Variants in TMPRSS6 observed in about 807,000 individuals in gnomAD.
TMPRSS6 encodes the protein transmembrane serine protease 6, also known as transmembrane protease serine 6.
Under a neutral mutation model 101.5 loss-of-function variants are expected in TMPRSS6, and 67 were observed. That is an observed-to-expected ratio of 0.66 (90% confidence interval 0.54 to 0.81). TMPRSS6 has a LOEUF of 0.81. Ranked by LOEUF, TMPRSS6 falls within the 30% of genes least tolerant of loss-of-function variation. The pLI is 0.00. For missense variants in TMPRSS6, 1,034 were observed against 1,088.7 expected (o/e 0.95, Z 0.71); for synonymous variants, 453 against 464.9 (o/e 0.97, Z 0.33).
chr22:37,093,338 G>GA (rs1355163743), intron 6 of TMPRSS6, among the ~76,000 whole-genome samples: 10 of 145,068 alleles, frequency 6.9e-5, no homozygotes, highest in African/African-American at 1.5e-4. Context: ...TATTGCAGGA[G>GA]AAAAAATAAC....
intron 12 of TMPRSS6, 28 bp downstream of exon 12, chr22:37,074,582 A>G: frequency 6.2e-7 from 1 of 1,603,376 alleles, no homozygotes; most frequent in South Asian, 1.1e-5. Flanking sequence ...GGGCAGGGAG[A>G]GGAGGGATGC....
rs894805407 is a variant in TMPRSS6, at chr22:37,067,198, C to T, written c.2114-236G>A. 2.6e-5 allele frequency among the ~76,000 whole-genome samples: 4 copies of T among 152,146 alleles called. No individual in the cohort carries two copies. The East Asian group carries it at 7.7e-4, about 29-fold the overall frequency. ...CAAAGCCCATGTGGAGGGCCGGGCA[C>T]GGTGGCTCATGCCTGTAATCCCAGC... On this transcript the variant is annotated intron_variant, in intron 16 of 17. Transcript: ENST00000676104.
At chr22:37,072,277 A>G (rs1204934238) in intron 13 of TMPRSS6, among the ~76,000 whole-genome samples, 3 of 113,738 alleles carry the variant, frequency 2.6e-5, no homozygotes, top group Non-Finnish European at 5.2e-5. Context: ...GGATGGTTGC[A>G]TGGATGGATG....
chr22:37,074,673 G>A lies in TMPRSS6; in HGVS notation c.1378C>T (p.Leu460Phe), dbSNP rs746448716. 2 of 1,614,196 alleles carry A rather than the reference G, an allele frequency of 1.2e-6. No homozygotes were observed. The highest frequency in any genetic ancestry group is 2.2e-5 in the East Asian group (1 of 44,886). Residue 460 changes from leucine to phenylalanine, a missense_variant, in exon 12 of 18, where the codon CTC becomes TTC. Coordinates refer to ENST00000676104, the MANE Select transcript of TMPRSS6 (RefSeq NM_001374504.1). The stretch of plus-strand genomic sequence containing the variant: ...ACCCCATCACAGGCAGGGACACAGA[G>A]TCCATTCACAGAACAGAGGAACTCT... ...PGEFLCSVNG[L>F]CVPACDGVKD...
In TMPRSS6 at chr22:37,078,772, GAA is replaced by G. The variant is rs1383713542; in HGVS notation, c.1197-3494_1197-3493del. The stretch of plus-strand genomic sequence containing the variant: ...GAAGAAAGGAGAAAGAGAATGAGGA[GAA>G]GGAGGAGGAGAAGAAGAAGGAGGAG... On this transcript the variant is annotated intron_variant, in intron 10 of 17. Transcript: ENST00000676104. Among the ~76,000 whole-genome samples the G allele has an allele frequency of 2.2e-4, 5 of 23,018 alleles. No individual in the cohort carries two copies. The African/African-American group carries it at 7.0e-3, about 32-fold the overall frequency. The allele number at this position is 23,018 out of a possible 152,430, so 15.1% of individuals were successfully genotyped here. A position where few individuals can be genotyped will look rare whatever the true frequency, so the allele number is the denominator to read the frequency against.
intron 3 of TMPRSS6, among the ~76,000 whole-genome samples, chr22:37,097,550 G>A (rs545794824): frequency 3.3e-5 from 5 of 152,370 alleles, no homozygotes; most frequent in East Asian, 1.9e-4. Context: ...ATAACTCCCC[G>A]GCACTTCTGG....
At chr22:37,093,695 C>A (rs1483238016) in intron 6 of TMPRSS6, among the ~76,000 whole-genome samples, 3 of 150,428 alleles carry the variant, frequency 2.0e-5, no homozygotes, top group Non-Finnish European at 4.4e-5. Context: ...AGCCACCATG[C>A]CTGGCTGACT....
chr22:37,074,780 A>G, intron 11 of TMPRSS6, 72 bp from the exon 12 acceptor site: 1 of 1,489,660 alleles, frequency 6.7e-7, no homozygotes, highest in Non-Finnish European at 9.3e-7. Flanking sequence ...AAGGCGCACA[A>G]AGACACGCAT....
intron 10 of TMPRSS6, among the ~76,000 whole-genome samples, chr22:37,077,753 G>T (rs1927796325): frequency 1.3e-5 from 2 of 152,084 alleles, no homozygotes; most frequent in African/African-American, 2.4e-5. Flanking sequence ...ATGTGTAATG[G>T]GCTTATAATT....
At chr22:37,078,418 C>T (rs1927861319) in intron 10 of TMPRSS6, among the ~76,000 whole-genome samples, 3 of 152,250 alleles carry the variant, frequency 2.0e-5, no homozygotes, top group African/African-American at 4.8e-5. Context: ...AGGGCCTCAC[C>T]GTGTACCCGG....
chr22:37,068,146 C>T (rs560311948), intron 16 of TMPRSS6, among the ~76,000 whole-genome samples: 2 of 152,292 alleles, frequency 1.3e-5, no homozygotes, highest in Admixed American at 6.5e-5. Context: ...CTGTCTCCCC[C>T]GAGAATGTTC....
At chr22:37,074,769 G>A (rs1434477431) in intron 11 of TMPRSS6, 61 bp from the exon 12 acceptor site, 16 of 1,558,480 alleles carry the variant, frequency 1.0e-5, no homozygotes, top group Middle Eastern at 3.4e-4. Flanking sequence ...GCGTAGCCGC[G>A]AAGGCGCACA....
Position 37,066,045 on chromosome 22 carries a change from A to T in TMPRSS6, c.*35T>A. ...CAGTTGCCCTGGGCTCTCTGAGTCCAGGAGGTGGGCCCTGCTTTGCAGGGG... is the reference window on the plus strand; with the variant it reads ...CAGTTGCCCTGGGCTCTCTGAGTCCTGGAGGTGGGCCCTGCTTTGCAGGGG... On this transcript the variant is annotated 3_prime_UTR_variant, in exon 18 of 18. Coordinates refer to ENST00000676104, the MANE Select transcript of TMPRSS6 (RefSeq NM_001374504.1). 1 of 1,612,496 alleles carries T rather than the reference A, an allele frequency of 6.2e-7. No homozygotes were observed. Among genetic ancestry groups the T allele is most frequent in the Non-Finnish European group, 8.5e-7 (1 of 1,179,660 alleles).
chr22:37,066,708 C>T, intron 17 of TMPRSS6, 118 bp downstream of exon 17: 1 of 1,416,032 alleles, frequency 7.1e-7, no homozygotes, highest in Non-Finnish European at 9.8e-7. Context: ...TGGCCATCAC[C>T]ACCTTGCTGG....
At position 37,069,063 on chromosome 22, in the gene TMPRSS6, C is replaced by T. The variant is rs1467153669; in HGVS notation, c.2113+10G>A. On this transcript the variant is annotated intron_variant, in intron 16 of 17. Transcript: ENST00000676104. The surrounding 1 kb of genome is among the most constrained non-coding windows in gnomAD (Gnocchi z 4.8). ...CCCTCCGCCTCCCGCCGCAAGTCCC[C>T]GCTGCTCACCGCCCTCGCGCAAGGC... The T allele has an allele frequency of 6.5e-7, 1 of 1,538,126 alleles. No homozygotes were observed. The highest frequency in any genetic ancestry group is 8.7e-7 in the Non-Finnish European group (1 of 1,147,714).
rs569666222 is a variant in TMPRSS6, at chr22:37,073,061, T to TGATG, written c.1555+467_1555+470dup. 1.2e-3 allele frequency among the ~76,000 whole-genome samples: 155 copies of TGATG among 133,780 alleles called. 1 individual carries two copies. Among genetic ancestry groups the TGATG allele is most frequent in the African/African-American group, 3.9e-3 (134 of 34,610 alleles). 87.8% of individuals were successfully genotyped at this position (133,780 alleles called of 152,430 possible). A position where few individuals can be genotyped will look rare whatever the true frequency, so the allele number is the denominator to read the frequency against. ...GATGGACGATGGGTGGATGGATGGA[T>TGATG]GATGGATGGATGGATGGATGGATAG... On this transcript the variant is annotated intron_variant, in intron 13 of 17. Transcript: ENST00000676104.
chr22:37,074,472 T>G, intron 12 of TMPRSS6, 138 bp downstream of exon 12: 1 of 831,316 alleles, frequency 1.2e-6, no homozygotes, highest in South Asian at 1.7e-5. Flanking sequence ...CCCGGCACAG[T>G]GAGAGAACCC....
rs769083817 is a variant in TMPRSS6 at position 37,070,545 on chromosome 22, C to A, written c.1780G>T (p.Gly594Trp). The change falls in exon 15 of 18, where the codon GGG becomes TGG. Residue 594 changes from glycine (G) to tryptophan (W), a missense_variant. Transcript: ENST00000676104. ...CAGCGGTCAGCGATGAGGGCCCCCC[C>A]ACAGATGTGTCGACCCCGAACCTGG... ...SLQVRGRHIC[G>W]GALIADRWVI... The A allele has an allele frequency of 2.0e-5, 33 of 1,613,324 alleles. No homozygotes were observed. The highest frequency in any genetic ancestry group is 1.6e-4 in the Middle Eastern group (1 of 6,084).
Position 37,074,653 on chromosome 22 carries a change from A to C in TMPRSS6, c.1398T>G (p.Asp466Glu), listed in dbSNP as rs781531526. The C allele has an allele frequency of 6.2e-7, 1 of 1,614,238 alleles. No homozygotes were observed. The highest frequency in any genetic ancestry group is 2.2e-5 in the East Asian group (1 of 44,890). The change falls in exon 12 of 18, where the codon GAT becomes GAG. Residue 466 changes from aspartate to glutamate, a missense_variant. Coordinates refer to ENST00000676104, the MANE Select transcript of TMPRSS6 (RefSeq NM_001374504.1). ...GGCCGTTGGGGCAGTCCTTGACCCC[A>C]TCACAGGCAGGGACACAGAGTCCAT... ...SVNGLCVPAC[D>E]GVKDCPNGLD...
Sources: allele counts gnomAD v4.1 joint callset (sites outside exome capture counted in the v4.1 genomes callset), GRCh38; gene constraint gnomAD v4.1.1; non-coding constraint Gnocchi (gnomAD v3.1); transcripts MANE v1.5; gene names NCBI Gene and HGNC (gene_info 2026-07-23, HGNC 2026-07-21).